NDUFV3: variants seen among roughly 807,000 people sequenced by gnomAD.
The protein encoded by NDUFV3 is NADH dehydrogenase [ubiquinone] flavoprotein 3, mitochondrial.
NDUFV3 carries 44 observed loss-of-function variants against 37.5 expected under a neutral mutation model. That is an observed-to-expected ratio of 1.17 (90% CI 0.92 to 1.51). The LOEUF is 1.51. Ranked by LOEUF, NDUFV3 falls within the 40% of genes most tolerant of loss-of-function variation. The probability of loss-of-function intolerance (pLI) is 0.00; values close to 1 mark genes in which losing one functional copy is unlikely to be tolerated. For missense variants in NDUFV3, 580 were observed against 580.4 expected (o/e 1.00, Z 0.01); for synonymous variants, 235 against 239.3 (o/e 0.98, Z 0.17).
intron 1 of NDUFV3, among the ~76,000 whole-genome samples, chr21:42,896,664 C>T (rs1435851385): frequency 3.3e-5 from 5 of 151,900 alleles, no homozygotes; most frequent in Non-Finnish European, 5.9e-5. Context: ...CAACCTGGGC[C>T]ACGTAGCCAG....
intron 3 of NDUFV3, 62 bp from the exon 4 acceptor site, chr21:42,908,802 C>T: frequency 6.3e-7 from 1 of 1,595,744 alleles, no homozygotes; most frequent in Non-Finnish European, 8.6e-7. Flanking sequence ...TGTGTGTGAG[C>T]CGAGTCATTC....
At position 42,894,311 on chromosome 21, in the gene NDUFV3, G is replaced by GTA. The variant is rs530097965; in HGVS notation, c.48+943_48+944dup. Among the ~76,000 whole-genome samples, 21 of 71,996 alleles carry GTA rather than the reference G, an allele frequency of 2.9e-4. 3 individuals carry two copies. Among genetic ancestry groups the GTA allele is most frequent in the East Asian group, 1.7e-3 (6 of 3,576 alleles). The allele number at this position is 71,996 out of a possible 152,430, so 47.2% of individuals were successfully genotyped here. ...CCCTGCAGAATATATATGCGTGTGT[G>GTA]TATATATATATATAAATACATATTA... On this transcript the variant is annotated intron_variant, in intron 1 of 3. Coordinates refer to ENST00000354250, the MANE Select transcript of NDUFV3 (RefSeq NM_021075.4).
Position 42,899,923 on chromosome 21 carries a change from C to T in NDUFV3, c.169+2876C>T, listed in dbSNP as rs187291735. ...TAAAAGAATTCCTGTACAGGCTGGG[C>T]GTGGGGGTTCACGCCTATAATCCCA... On this transcript the variant is annotated intron_variant, in intron 2 of 3. Transcript: ENST00000354250. 8.2e-3 allele frequency among the ~76,000 whole-genome samples: 1,245 copies of T among 152,228 alleles called. 11 individuals carry two copies. Among genetic ancestry groups the T allele is most frequent in the Non-Finnish European group, 0.014 (961 of 68,014 alleles).
At chr21:42,895,951 C>T (rs979301383) in intron 1 of NDUFV3, among the ~76,000 whole-genome samples, 1 of 150,752 alleles carries the variant, frequency 6.6e-6, no homozygotes, top group African/African-American at 2.4e-5. Flanking sequence ...ACGGTACCTA[C>T]ATGCACACAA....
intron 3 of NDUFV3, among the ~76,000 whole-genome samples, 189 bp downstream of exon 3, chr21:42,904,465 T>C (rs919778351): frequency 6.6e-6 from 1 of 151,902 alleles, no homozygotes; most frequent in Admixed American, 6.6e-5. Context: ...ATCTTTATAT[T>C]TAGAATCCCT....
chr21:42,894,035 T>G (rs2146142244), intron 1 of NDUFV3, among the ~76,000 whole-genome samples: 1 of 151,546 alleles, frequency 6.6e-6, no homozygotes, highest in South Asian at 2.1e-4. Context: ...GGCCAACATG[T>G]CGAAACCCCG....
At chr21:42,900,942 C>T (rs1195540114) in intron 2 of NDUFV3, among the ~76,000 whole-genome samples, 1 of 152,134 alleles carries the variant, frequency 6.6e-6, no homozygotes, top group Non-Finnish European at 1.5e-5. Context: ...CTTGCTGTTT[C>T]CTTGAATCCA....
Position 42,909,032 on chromosome 21 carries a change from T to G in NDUFV3, c.*11T>G. 1 of 1,612,480 alleles carries G rather than the reference T, an allele frequency of 6.2e-7. No homozygotes were observed. Among genetic ancestry groups the G allele is most frequent in the East Asian group, 2.2e-5 (1 of 44,840 alleles). Reference sequence around the variant, plus strand: ...TCACCTCGACACTGAGGGCCCTCGGTGTGAAGATGAACCTTCCACCGTCTT... The same window carrying G: ...TCACCTCGACACTGAGGGCCCTCGGGGTGAAGATGAACCTTCCACCGTCTT... On this transcript the variant is annotated 3_prime_UTR_variant, in exon 4 of 4. Transcript: ENST00000354250.
intron 3 of NDUFV3, among the ~76,000 whole-genome samples, chr21:42,905,013 T>A (rs1026975752): frequency 1.3e-5 from 2 of 151,688 alleles, no homozygotes; most frequent in African/African-American, 4.8e-5. Context: ...ATGGTCTCAA[T>A]CTCCTGACCT....
Position 42,903,387 on chromosome 21 carries a change from A to C in NDUFV3, c.375A>C (p.Pro125=). The C allele has an allele frequency of 8.1e-6, 13 of 1,614,216 alleles. No individual in the cohort carries two copies. The highest frequency in any genetic ancestry group is 1.0e-5 in the Non-Finnish European group (12 of 1,180,044). Reference sequence around the variant, plus strand: ...CAAGAAAGACTTTGGTAGAGTTTCCACAGAAAGTTCTGTCTCCATTCAGAA... The same window carrying C: ...CAAGAAAGACTTTGGTAGAGTTTCCCCAGAAAGTTCTGTCTCCATTCAGAA... ...FLSRKTLVEF[P]QKVLSPFRKQ... Residue 125 remains proline, a synonymous_variant, in exon 3 of 4, where the codon CCA becomes CCC. Transcript: ENST00000354250.
At chr21:42,901,493 C>A (rs111828680) in intron 2 of NDUFV3, among the ~76,000 whole-genome samples, 1 of 150,824 alleles carries the variant, frequency 6.6e-6, no homozygotes, top group Non-Finnish European at 1.5e-5. Flanking sequence ...ACCAGCTACT[C>A]GGGAGGCTGA....
chr21:42,898,535 T>G (rs762699887), intron 2 of NDUFV3, among the ~76,000 whole-genome samples: 1 of 152,168 alleles, frequency 6.6e-6, no homozygotes, highest in Non-Finnish European at 1.5e-5. Context: ...AGAGGCACAA[T>G]CATAGGTCAC....
In NDUFV3 at chr21:42,896,963, G is replaced by T. The variant is rs78214542; in HGVS notation, c.85G>T (p.Ala29Ser). 7.4e-6 allele frequency: 12 copies of T among 1,613,994 alleles called. No homozygotes were observed. The African/African-American group carries it at 1.3e-4, about 18-fold the overall frequency. Residue 29 changes from alanine to serine, a missense_variant, in exon 2 of 4, where the codon GCT (alanine) becomes TCT (serine). Physicochemically the swap from Ala to Ser is moderately conservative, Grantham distance 99. Transcript: ENST00000354250. ...GGAAGCCCAGGTGTTTCGAGGACTT[G>T]CTTCTACGGTTTCTTTGTCTGCGGA... ...LQEAQVFRGL[A>S]STVSLSAESG... is the part of the protein sequence containing the mutation.
intron 2 of NDUFV3, among the ~76,000 whole-genome samples, chr21:42,900,490 G>A (rs1390331212): frequency 1.3e-5 from 2 of 152,158 alleles, no homozygotes; most frequent in Non-Finnish European, 2.9e-5. Context: ...GTGTCACAGC[G>A]ACACTCCATC....
chr21:42,893,370 G>C lies in NDUFV3; in HGVS notation c.37G>C (p.Gly13Arg), dbSNP rs1178066035. ...APCLLRQGRAGALKTMLQEAQ... is the reference protein window; with the variant it reads ...APCLLRQGRARALKTMLQEAQ... ...GTGTTTGCTGCGGCAAGGACGAGCC[G>C]GGGCGCTGAAGGTAAAGGAGGAGCC... is the stretch of plus-strand genomic sequence containing the variant. Residue 13 changes from glycine to arginine, a missense_variant, in exon 1 of 4, where the codon GGG (glycine) becomes CGG (arginine). Physicochemically the swap from Gly to Arg is moderately radical, Grantham distance 125. Transcript: ENST00000354250. 8 of 1,537,922 alleles carry C rather than the reference G, an allele frequency of 5.2e-6. No individual in the cohort carries two copies. The highest frequency in any genetic ancestry group is 2.0e-5 in the Admixed American group (1 of 50,980).
chr21:42,901,794 G>A (rs1399274276), intron 2 of NDUFV3, among the ~76,000 whole-genome samples: 1 of 152,194 alleles, frequency 6.6e-6, no homozygotes, highest in African/African-American at 2.4e-5. Flanking sequence ...GAGTCATGCA[G>A]TGTCCACACA....
At chr21:42,899,753 A>T (rs1171617544) in intron 2 of NDUFV3, among the ~76,000 whole-genome samples, 1 of 151,522 alleles carries the variant, frequency 6.6e-6, no homozygotes, top group Non-Finnish European at 1.5e-5. Flanking sequence ...AATTTTTTGT[A>T]TTTTTTAGTA....
At chr21:42,907,852 A>C (rs2058748673) in intron 3 of NDUFV3, among the ~76,000 whole-genome samples, 1 of 151,396 alleles carries the variant, frequency 6.6e-6, no homozygotes, top group African/African-American at 2.4e-5. Flanking sequence ...CGGCCTCCCA[A>C]AGTGCTGGGA....
intron 3 of NDUFV3, among the ~76,000 whole-genome samples, 171 bp from the exon 4 acceptor site, chr21:42,908,693 A>G (rs1461544307): frequency 6.8e-6 from 1 of 148,028 alleles, no homozygotes; most frequent in African/African-American, 2.5e-5. Context: ...AGGGTTGATG[A>G]AGAATGCTTG....
Sources: gnomAD v4.1 joint callset for allele counts (sites outside exome capture counted in the v4.1 genomes callset) on GRCh38, gnomAD v4.1.1 for gene constraint, MANE v1.5 for transcripts, NCBI Gene and HGNC (gene_info 2026-07-23, HGNC 2026-07-21) for gene names.